Variants in CCDC141 observed in about 807,000 individuals in gnomAD.
The protein encoded by CCDC141 is coiled-coil domain-containing protein 141.
CCDC141 carries 168 observed loss-of-function variants against 181.0 expected under a neutral mutation model. The observed-to-expected ratio is 0.93, with a 90% confidence interval of 0.82 to 1.05. The LOEUF is 1.05. CCDC141 is among the 50% of genes least tolerant of loss of function. The pLI is 0.00. For missense variants in CCDC141, 1,902 were observed against 1,788.5 expected, an observed-to-expected ratio of 1.06 and a Z score of -1.14; for synonymous variants, 666 against 642.3, an observed-to-expected ratio of 1.04 and a Z score of -0.56.
intron 2 of CCDC141, among the ~76,000 whole-genome samples, chr2:178,992,125 C>T (rs927234398): frequency 1.3e-5 from 2 of 151,762 alleles, no homozygotes; most frequent in South Asian, 2.1e-4. Context: ...CAATTTTTGA[C>T]TACTATATAT....
chr2:178,964,520 C>A (rs1690540683), intron 4 of CCDC141, among the ~76,000 whole-genome samples: 1 of 152,110 alleles, frequency 6.6e-6, no homozygotes, highest in East Asian at 1.9e-4. Context: ...AATAACATAA[C>A]AACTACCACA....
At position 178,837,255 on chromosome 2, in the gene CCDC141, T is replaced by C. The variant is rs1223305775; in HGVS notation, c.3964A>G (p.Ser1322Gly). ...CTCTCATGCACTTCACTCATCATGCTCTCTGGATGTTCAGCACTGATTCTG... is the reference window on the plus strand; with the variant it reads ...CTCTCATGCACTTCACTCATCATGCCCTCTGGATGTTCAGCACTGATTCTG... ...LHRISAEHPESMMSEVHERAL... is the reference protein window; with the variant it reads ...LHRISAEHPEGMMSEVHERAL... Residue 1322 changes from serine to glycine, a missense_variant, in exon 23 of 24, where the codon AGC (serine) becomes GGC (glycine). Transcript: ENST00000443758. 1.2e-5 allele frequency: 19 copies of C among 1,614,106 alleles called. No homozygotes were observed. Among genetic ancestry groups the C allele is most frequent in the Non-Finnish European group, 1.6e-5 (19 of 1,179,988 alleles).
At chr2:179,018,844 T>C (rs1278065833) in intron 2 of CCDC141, among the ~76,000 whole-genome samples, 1 of 152,168 alleles carries the variant, frequency 6.6e-6, no homozygotes, top group Non-Finnish European at 1.5e-5. Flanking sequence ...AAATACAATA[T>C]GAAGTTAGTG....
chr2:178,838,413 C>A lies in CCDC141; in HGVS notation c.3475-669G>T, dbSNP rs556599227. Among the ~76,000 whole-genome samples the A allele has an allele frequency of 1.3e-4, 20 of 152,280 alleles. No homozygotes were observed. The South Asian group carries it at 3.9e-3, about 30-fold the overall frequency. On this transcript the variant is annotated intron_variant, in intron 22 of 23. Transcript: ENST00000443758. ...CACTAACCCCCTAATCTTTTGTCTT[C>A]CCCCGACTCAGCCTCTGGCAACCAC...
chr2:178,979,270 C>G (rs1409031018), intron 2 of CCDC141, among the ~76,000 whole-genome samples: 2 of 151,952 alleles, frequency 1.3e-5, no homozygotes, highest in East Asian at 3.8e-4. Context: ...TAGGAGGATT[C>G]AATAAGATCC....
At chr2:178,932,422 T>C (rs1290925417) in intron 6 of CCDC141, among the ~76,000 whole-genome samples, 2 of 152,224 alleles carry the variant, frequency 1.3e-5, no homozygotes, top group Non-Finnish European at 2.9e-5. Flanking sequence ...CCATTCACTC[T>C]CTGCTAAGTA....
At chr2:178,906,729 A>G (rs529749787) in intron 7 of CCDC141, among the ~76,000 whole-genome samples, 5 of 152,140 alleles carry the variant, frequency 3.3e-5, no homozygotes, top group Non-Finnish European at 7.4e-5. Context: ...AGGATCCCAG[A>G]GCAAAAGAAA....
At chr2:178,855,191 T>C (rs973557977) in intron 19 of CCDC141, among the ~76,000 whole-genome samples, 156 bp downstream of exon 19, 2 of 152,178 alleles carry the variant, frequency 1.3e-5, no homozygotes, top group Non-Finnish European at 2.9e-5. Flanking sequence ...CCAGCAATTC[T>C]ATTTCAGAGA....
At chr2:178,931,851 G>C (rs10930843) in intron 6 of CCDC141, among the ~76,000 whole-genome samples, 26,001 of 152,008 alleles carry the variant, frequency 0.17, 2,335 homozygotes, top group Middle Eastern at 0.23. Context: ...TGTTTCTGTT[G>C]TGTGAGGCAT....
chr2:179,004,184 T>C (rs6744972), intron 2 of CCDC141, among the ~76,000 whole-genome samples: 1,792 of 152,280 alleles, frequency 0.012, 31 homozygotes, highest in African/African-American at 0.04. Flanking sequence ...TTGGGATTTG[T>C]AGTTCCTTTG....
chr2:178,843,781 T>C (rs375457315), intron 22 of CCDC141, among the ~76,000 whole-genome samples: 43 of 152,314 alleles, frequency 2.8e-4, no homozygotes, highest in African/African-American at 9.4e-4. Context: ...TTGTGGAGAA[T>C]CATTACATCT....
intron 2 of CCDC141, among the ~76,000 whole-genome samples, chr2:179,033,687 A>G (rs1431721364): frequency 1.3e-5 from 2 of 152,120 alleles, no homozygotes; most frequent in Non-Finnish European, 2.9e-5. Flanking sequence ...CCTTTTTGTC[A>G]TACTAATAAG....
At chr2:178,895,654 C>T (rs547392322) in intron 8 of CCDC141, among the ~76,000 whole-genome samples, 7 of 152,246 alleles carry the variant, frequency 4.6e-5, no homozygotes, top group South Asian at 2.1e-4. Context: ...AAAAGAACAG[C>T]TTAATATAGA....
intron 10 of CCDC141, 49 bp from the exon 11 acceptor site, chr2:178,885,141 A>G: frequency 7.6e-7 from 1 of 1,309,406 alleles, no homozygotes; most frequent in East Asian, 2.5e-5. Flanking sequence ...GGAATCATGA[A>G]CATTCACGTT....
intron 5 of CCDC141, among the ~76,000 whole-genome samples, chr2:178,960,793 T>C (rs758791832): frequency 1.3e-5 from 2 of 152,232 alleles, no homozygotes; most frequent in Non-Finnish European, 2.9e-5. Context: ...CAGACTACTC[T>C]TCTAAGAACA....
intron 1 of CCDC141, 43 bp from the exon 2 acceptor site, chr2:179,047,449 G>T (rs749290579): frequency 2.1e-6 from 3 of 1,432,644 alleles, no homozygotes; most frequent in African/African-American, 1.5e-5. Flanking sequence ...AGTTCCTCTT[G>T]TTCCTTCCTC....
intron 12 of CCDC141, among the ~76,000 whole-genome samples, chr2:178,872,778 T>C (rs1016430489): frequency 2.0e-5 from 3 of 152,228 alleles, no homozygotes; most frequent in Non-Finnish European, 4.4e-5. Flanking sequence ...TTCCATTGTA[T>C]ACATTGCAAT....
chr2:178,903,612 G>C (rs1169366761), intron 8 of CCDC141, among the ~76,000 whole-genome samples: 1 of 108,596 alleles, frequency 9.2e-6, no homozygotes, highest in Admixed American at 1.1e-4. Flanking sequence ...GTTGTGGGGT[G>C]GGGGGAGGGG....
At chr2:178,990,591 G>A (rs1418856119) in intron 2 of CCDC141, among the ~76,000 whole-genome samples, 2 of 137,542 alleles carry the variant, frequency 1.5e-5, no homozygotes, top group Non-Finnish European at 3.1e-5. Flanking sequence ...GAGTGGAGGG[G>A]AGGGGAGGGG....
Sources: allele counts gnomAD v4.1 joint callset (sites outside exome capture counted in the v4.1 genomes callset), GRCh38; gene constraint gnomAD v4.1.1; transcripts MANE v1.5; gene names NCBI Gene and HGNC (gene_info 2026-07-23, HGNC 2026-07-21).